Variants in PHLPP1 observed in about 807,000 individuals in gnomAD.
The protein encoded by PHLPP1 is PH domain leucine-rich repeat-containing protein phosphatase 1.
PHLPP1 carries 42 observed loss-of-function variants against 117.2 expected under a neutral mutation model. The observed-to-expected ratio is 0.36, with a 90% CI of 0.28 to 0.46. The LOEUF is 0.46. PHLPP1 is among the 20% of genes least tolerant of loss of function. PHLPP1 has a pLI of 1.00. For synonymous variants in PHLPP1, 1,042 were observed against 970.7 expected (o/e 1.07, Z -1.37); for missense variants, 2,084 against 2,241.9 (o/e 0.93, Z 1.42).
At position 62,837,003 on chromosome 18, in the gene PHLPP1, A is replaced by T. The variant is rs182542985; in HGVS notation, c.1774-1781A>T. Among the ~76,000 whole-genome samples, 27 of 152,262 alleles carry T rather than the reference A, an allele frequency of 1.8e-4. No homozygotes were observed. In the East Asian group the frequency reaches 4.8e-3, roughly 27 times the overall value. On this transcript the variant is annotated intron_variant, in intron 2 of 16. Transcript: ENST00000262719. ...TCAATTTTTGTTTTGTTTTGTTAAC[A>T]CTGGATTTTACTCCATTGTACAGGT...
chr18:62,936,659 G>A (rs140118850), intron 10 of PHLPP1, among the ~76,000 whole-genome samples: 181 of 152,288 alleles, frequency 1.2e-3, no homozygotes, highest in African/African-American at 4.2e-3. Flanking sequence ...CAACCTCTGC[G>A]ATATTTTTGC....
At chr18:62,737,573 G>A (rs914260895) in intron 1 of PHLPP1, among the ~76,000 whole-genome samples, 2 of 152,226 alleles carry the variant, frequency 1.3e-5, no homozygotes, top group Non-Finnish European at 2.9e-5. Context: ...ATGATATGCT[G>A]CCCTTGGCTC....
chr18:62,923,728 C>G (rs1240107792), intron 10 of PHLPP1, among the ~76,000 whole-genome samples: 1 of 151,922 alleles, frequency 6.6e-6, no homozygotes, highest in Non-Finnish European at 1.5e-5. Flanking sequence ...AATTTAAACT[C>G]AGGAAAATTG....
chr18:62,755,170 A>G (rs906678253), intron 1 of PHLPP1, among the ~76,000 whole-genome samples: 2 of 152,196 alleles, frequency 1.3e-5, no homozygotes, highest in African/African-American at 4.8e-5. Flanking sequence ...TGTCCCCTGG[A>G]TAGATAGATG....
chr18:62,841,922 GAGTT>G (rs1356062005), intron 3 of PHLPP1, among the ~76,000 whole-genome samples: 2 of 152,254 alleles, frequency 1.3e-5, no homozygotes, highest in Admixed American at 1.3e-4. Context: ...TTGGGGTCAA[GAGTT>G]TGAGTTTCAA....
In PHLPP1 at chr18:62,865,011, A is replaced by G. The variant is rs74934651; in HGVS notation, c.2066+4410A>G. ...CAAAATACTTAAGCTTAGGTTTTAT[A>G]TGCTCTATGTATTGTTACTAATTTT... is the stretch of plus-strand genomic sequence containing the variant. On this transcript the variant is annotated intron_variant, in intron 4 of 16. Coordinates refer to ENST00000262719, the MANE Select transcript of PHLPP1 (RefSeq NM_194449.4). 5.5e-3 allele frequency among the ~76,000 whole-genome samples: 834 copies of G among 152,326 alleles called. 12 individuals carry two copies. The highest frequency in any genetic ancestry group is 0.019 in the African/African-American group (798 of 41,572).
At chr18:62,858,078 G>T (rs1490515692) in intron 3 of PHLPP1, among the ~76,000 whole-genome samples, 1 of 152,110 alleles carries the variant, frequency 6.6e-6, no homozygotes, top group Non-Finnish European at 1.5e-5. Flanking sequence ...CTGTTTGGAA[G>T]TTTCTTTTTC....
At chr18:62,753,862 A>G (rs1568103903) in intron 1 of PHLPP1, among the ~76,000 whole-genome samples, 1 of 152,222 alleles carries the variant, frequency 6.6e-6, no homozygotes, top group Non-Finnish European at 1.5e-5. Flanking sequence ...ACTATGGGCC[A>G]AAGAAAGAGA....
At chr18:62,850,143 A>G in intron 3 of PHLPP1, among the ~76,000 whole-genome samples, 1 of 150,036 alleles carries the variant, frequency 6.7e-6, no homozygotes, top group East Asian at 2.0e-4. Flanking sequence ...TAATCCCAGC[A>G]CTTTGGGAGG....
rs138891633 is a variant in PHLPP1, at chr18:62,935,562, G to A, written c.2961-6156G>A. ...TTAAAAGAATCATATAAGAATAGCCGGGAAAACACTGAAAAAGTAAAACTA... is the reference window on the plus strand; with the variant it reads ...TTAAAAGAATCATATAAGAATAGCCAGGAAAACACTGAAAAAGTAAAACTA... On this transcript the variant is annotated intron_variant, in intron 10 of 16. Coordinates refer to ENST00000262719, the MANE Select transcript of PHLPP1 (RefSeq NM_194449.4). Among the ~76,000 whole-genome samples, 49 of 152,188 alleles carry A rather than the reference G, an allele frequency of 3.2e-4. 1 individual carries two copies. In the East Asian group the frequency reaches 8.5e-3, roughly 26 times the overall value.
intron 3 of PHLPP1, among the ~76,000 whole-genome samples, chr18:62,848,027 G>T (rs1295243427): frequency 6.6e-6 from 1 of 152,218 alleles, no homozygotes; most frequent in Non-Finnish European, 1.5e-5. Context: ...TTCAGCAGAA[G>T]TATCCCTGGC....
At chr18:62,728,951 T>C (rs917411391) in intron 1 of PHLPP1, among the ~76,000 whole-genome samples, 3 of 152,162 alleles carry the variant, frequency 2.0e-5, no homozygotes, top group Non-Finnish European at 2.9e-5. Flanking sequence ...AGTTCTTGAT[T>C]ACAGGAATAA....
intron 4 of PHLPP1, among the ~76,000 whole-genome samples, chr18:62,889,083 G>A (rs1432167184): frequency 6.6e-6 from 1 of 152,202 alleles, no homozygotes; most frequent in Non-Finnish European, 1.5e-5. Context: ...AGAAGGCTAA[G>A]GGTTAGTTAC....
chr18:62,865,899 G>T (rs902190266), intron 4 of PHLPP1, among the ~76,000 whole-genome samples: 7 of 152,198 alleles, frequency 4.6e-5, no homozygotes. Context: ...AGGGCAGGAA[G>T]AAGGAGAGGA....
chr18:62,874,657 G>GCGCACA (rs1402811825), intron 4 of PHLPP1, among the ~76,000 whole-genome samples: 2 of 147,624 alleles, frequency 1.4e-5, no homozygotes, highest in African/African-American at 5.0e-5. Flanking sequence ...ACGCACGCGC[G>GCGCACA]CACACACACA....
intron 2 of PHLPP1, among the ~76,000 whole-genome samples, chr18:62,836,432 AAAATAAAT>A (rs370894334): frequency 0.46 from 63,353 of 136,532 alleles, 15,054 homozygotes; most frequent in Non-Finnish European, 0.51. Context: ...ACTCCATCTA[AAAATAAAT>A]AAATAAATAA....
At chr18:62,966,339 A>G (rs572253148) in intron 14 of PHLPP1, among the ~76,000 whole-genome samples, 1 of 152,046 alleles carries the variant, frequency 6.6e-6, no homozygotes, top group African/African-American at 2.4e-5. Context: ...TTAAGTTTAT[A>G]TATCTGGTAT....
At chr18:62,931,382 G>C (rs1308896724) in intron 10 of PHLPP1, among the ~76,000 whole-genome samples, 1 of 151,816 alleles carries the variant, frequency 6.6e-6, no homozygotes, top group Non-Finnish European at 1.5e-5. Context: ...CCTACATCAA[G>C]AAAACAGAAA....
intron 1 of PHLPP1, among the ~76,000 whole-genome samples, chr18:62,761,658 A>G (rs1912241662): frequency 6.6e-6 from 1 of 151,606 alleles, no homozygotes; most frequent in African/African-American, 2.4e-5. Context: ...AAAATAAAAA[A>G]ATAAAAAATA....
Sources: allele counts gnomAD v4.1 joint callset (sites outside exome capture counted in the v4.1 genomes callset), GRCh38; gene constraint gnomAD v4.1.1; transcripts MANE v1.5; gene names NCBI Gene and HGNC (gene_info 2026-07-23, HGNC 2026-07-21).